NEMF: variants seen among roughly 807,000 people sequenced by gnomAD.
The protein encoded by NEMF is nuclear export mediator factor.
NEMF carries 89 observed loss-of-function variants against 162.2 expected under a neutral mutation model. That is an observed-to-expected ratio of 0.55 (90% CI 0.46 to 0.65). The LOEUF is 0.65. NEMF is among the 30% of genes least tolerant of loss of function. The pLI is 0.00. For missense variants in NEMF, 1,133 were observed against 1,261.9 expected (o/e 0.90, Z 1.55); for synonymous variants, 421 against 404.5 (o/e 1.04, Z -0.49).
At position 49,834,637 on chromosome 14, in the gene NEMF, C is replaced by G. The variant is rs189338078; in HGVS notation, c.575-188G>C. Among the ~76,000 whole-genome samples the G allele has an allele frequency of 5.4e-4, 82 of 152,230 alleles. 1 individual carries two copies. In the East Asian group the frequency reaches 0.013, roughly 24 times the overall value. Reference sequence around the variant, plus strand: ...AGCTGGGATCACAAGCACCCACCACCATGCCCAGCTAATTTTTGTATTTTT... The same window carrying G: ...AGCTGGGATCACAAGCACCCACCACGATGCCCAGCTAATTTTTGTATTTTT... On this transcript the variant is annotated intron_variant, in intron 6 of 32. Coordinates refer to ENST00000298310, the MANE Select transcript of NEMF (RefSeq NM_004713.6).
At chr14:49,839,886 CCGGT>C (rs1893108854) in intron 5 of NEMF, 1 of 151,918 alleles carries the variant, frequency 6.6e-6, no homozygotes, top group Admixed American at 6.6e-5. Context: ...TTGGCTGGGC[CCGGT>C]CGCTCATACC....
chr14:49,851,515 G>A (rs772414665), intron 3 of NEMF, 48 bp downstream of exon 3: 16 of 1,274,634 alleles, frequency 1.3e-5, no homozygotes, highest in Admixed American at 1.7e-5. Context: ...AAACTTAATT[G>A]TTAGTGAGCA....
rs1892665901 is a variant in NEMF at position 49,832,071 on chromosome 14, C to G, written c.862G>C (p.Glu288Gln). ...FSQHSQCPYI[E>Q]FESFDKAVDE... ...CCCACCTTGTCAAATGATTCAAATT[C>G]TATATATGGACATTGTGAATGTTGA... The change falls in exon 10 of 33, where the codon GAA (glutamate) becomes CAA (glutamine). Residue 288 changes from glutamate (E) to glutamine (Q), a missense_variant. By Grantham distance (29) the Glu-to-Gln change is conservative. Coordinates refer to ENST00000298310, the MANE Select transcript of NEMF (RefSeq NM_004713.6). 6.2e-7 allele frequency: 1 copy of G among 1,602,812 alleles called. No individual in the cohort carries two copies. Among genetic ancestry groups the G allele is most frequent in the Non-Finnish European group, 8.5e-7 (1 of 1,176,154 alleles).
At chr14:49,815,791 C>T (rs541060425) in intron 16 of NEMF, among the ~76,000 whole-genome samples, 28 of 152,006 alleles carry the variant, frequency 1.8e-4, no homozygotes, top group African/African-American at 4.6e-4. Flanking sequence ...GGTGAAAACC[C>T]GTCTCTACTG....
chr14:49,809,666 C>G (rs972585767), intron 18 of NEMF, among the ~76,000 whole-genome samples: 5 of 151,592 alleles, frequency 3.3e-5, no homozygotes, highest in African/African-American at 1.2e-4. Flanking sequence ...TCGAGACCAG[C>G]CTGGCCAACA....
At chr14:49,803,395 C>G in intron 19 of NEMF, 101 bp from the exon 20 acceptor site, 1 of 709,266 alleles carries the variant, frequency 1.4e-6, no homozygotes, top group Non-Finnish European at 2.3e-6. Flanking sequence ...GTAAGCCACA[C>G]TGTCTTCTGA....
At chr14:49,836,561 GC>G (rs1190999251) in intron 6 of NEMF, among the ~76,000 whole-genome samples, 2 of 151,656 alleles carry the variant, frequency 1.3e-5, no homozygotes, top group Non-Finnish European at 2.9e-5. Flanking sequence ...GCAGGAGATG[GC>G]CTGAACCTGG....
chr14:49,820,682 G>A (rs1327959031), intron 16 of NEMF, among the ~76,000 whole-genome samples: 1 of 152,226 alleles, frequency 6.6e-6, no homozygotes, highest in East Asian at 1.9e-4. Flanking sequence ...AAGCTGGACT[G>A]TGCTGCTGCC....
chr14:49,807,073 T>C (rs921421113), intron 18 of NEMF, among the ~76,000 whole-genome samples: 1 of 152,216 alleles, frequency 6.6e-6, no homozygotes, highest in African/African-American at 2.4e-5. Context: ...CCCTGGCAAT[T>C]ACTAATCTAT....
At chr14:49,843,223 G>A (rs1037356866) in intron 4 of NEMF, among the ~76,000 whole-genome samples, 1 of 151,942 alleles carries the variant, frequency 6.6e-6, no homozygotes, top group Non-Finnish European at 1.5e-5. Context: ...AGCCAGGCGT[G>A]GTGGCTCACC....
intron 8 of NEMF, among the ~76,000 whole-genome samples, chr14:49,833,055 CA>C (rs1326159357): frequency 6.6e-6 from 1 of 152,146 alleles, no homozygotes; most frequent in Non-Finnish European, 1.5e-5. Flanking sequence ...CACTTGAGGT[CA>C]GGAGTTCGAG....
At chr14:49,818,306 A>T (rs1162142703) in intron 16 of NEMF, 1 of 151,982 alleles carries the variant, frequency 6.6e-6, no homozygotes, top group African/African-American at 2.4e-5. Flanking sequence ...GTTAGCCAGG[A>T]TGGTCTCGAT....
intron 11 of NEMF, 87 bp from the exon 12 acceptor site, chr14:49,829,513 G>C: frequency 9.3e-7 from 1 of 1,075,478 alleles, no homozygotes; most frequent in East Asian, 2.6e-5. Context: ...TCACTATCCT[G>C]ACCCCATCTA....
At chr14:49,829,571 C>CTA in intron 11 of NEMF, 145 bp from the exon 12 acceptor site, 1 of 667,024 alleles carries the variant, frequency 1.5e-6, no homozygotes, top group Non-Finnish European at 2.6e-6. Flanking sequence ...CACCCTAGGC[C>CTA]TATCCCACTA....
rs749139927 is a variant in NEMF at position 49,846,387 on chromosome 14, G to T, written c.232-122C>A. 3.0e-4 allele frequency: 260 copies of T among 861,134 alleles called. 1 individual carries two copies. Among genetic ancestry groups the T allele is most frequent in the Non-Finnish European group, 4.3e-4 (233 of 546,736 alleles). The allele number at this position is 861,134 out of a possible 1,614,324, so 53.3% of individuals were successfully genotyped here. A position where few individuals can be genotyped will look rare whatever the true frequency, so the allele number is the denominator to read the frequency against. ...AATATTTAAAACGTTGTGAATAACA[G>T]TATAGTCATAAAGTAATAGATTGCA... On this transcript the variant is annotated intron_variant, in intron 3 of 32. Transcript: ENST00000298310.
chr14:49,809,474 G>A (rs552420332), intron 18 of NEMF, among the ~76,000 whole-genome samples: 1 of 152,254 alleles, frequency 6.6e-6, no homozygotes, highest in East Asian at 1.9e-4. Context: ...GGGCACAGAG[G>A]ACTTTTTTAG....
intron 11 of NEMF, among the ~76,000 whole-genome samples, chr14:49,830,380 A>G (rs1306780444): frequency 6.6e-6 from 1 of 152,192 alleles, no homozygotes; most frequent in Non-Finnish European, 1.5e-5. Flanking sequence ...GAAGTGGTAC[A>G]GGGATTCAAA....
At chr14:49,833,304 ACAGATAAC>A (rs1892734309) in intron 8 of NEMF, 111 bp downstream of exon 8, 17 of 542,146 alleles carry the variant, frequency 3.1e-5, no homozygotes, top group Admixed American at 1.0e-4. Context: ...TAAGCATATT[ACAGATAAC>A]AATTTTCCAA....
At position 49,838,347 on chromosome 14, in the gene NEMF, G is replaced by T. The variant is rs1893009754; in HGVS notation, c.507-141C>A. The T allele has an allele frequency of 4.8e-6, 3 of 626,356 alleles. No homozygotes were observed. In the South Asian group the frequency reaches 7.7e-5, roughly 16 times the overall value. 38.8% of individuals were successfully genotyped at this position (626,356 alleles called of 1,614,324 possible). On this transcript the variant is annotated intron_variant, in intron 5 of 32. Transcript: ENST00000298310. ...CGTAACAGGAATTCATTCTTCTGTT[G>T]TGAGAAAATGGATCATAAAAGATAT...
Sources: allele counts gnomAD v4.1 joint callset (sites outside exome capture counted in the v4.1 genomes callset), GRCh38; gene constraint gnomAD v4.1.1; transcripts MANE v1.5; gene names NCBI Gene and HGNC (gene_info 2026-07-23, HGNC 2026-07-21).